The following TNIK variants were observed in gnomAD, a reference collection of about 807,000 sequenced individuals.
The protein encoded by TNIK is TRAF2 and NCK-interacting protein kinase.
Under a neutral mutation model 191.3 loss-of-function variants are expected in TNIK, and 49 were observed. The ratio of observed to expected loss-of-function variants is 0.26; its 90% CI spans 0.20 to 0.32. TNIK has a LOEUF of 0.32. Ranked by LOEUF, TNIK falls within the 10% of genes least tolerant of loss-of-function variation. TNIK has a pLI of 1.00. For synonymous variants in TNIK, 594 were observed against 600.9 expected, an observed-to-expected ratio of 0.99 and a Z score of 0.17; for missense variants, 1,155 against 1,702.3, an observed-to-expected ratio of 0.68 and a Z score of 5.66.
intron 1 of TNIK, among the ~76,000 whole-genome samples, chr3:171,389,855 T>C (rs1404364838): frequency 6.6e-6 from 1 of 152,188 alleles, no homozygotes; most frequent in Non-Finnish European, 1.5e-5. Context: ...TTATTGAAAC[T>C]TTACAACAAA....
chr3:171,188,559 G>A (rs1320128470), intron 7 of TNIK, 143 bp downstream of exon 7: 1 of 950,224 alleles, frequency 1.1e-6, no homozygotes, highest in Non-Finnish European at 1.5e-6. Flanking sequence ...TCACTTGAAT[G>A]TCTTACAGGT....
At chr3:171,091,349 C>T (rs1722027838) in intron 23 of TNIK, among the ~76,000 whole-genome samples, 1 of 152,172 alleles carries the variant, frequency 6.6e-6, no homozygotes, top group Admixed American at 6.5e-5. Context: ...CAGCTTCCAA[C>T]TAGGATTTAT....
chr3:171,181,394 T>C (rs1198717318), intron 7 of TNIK, among the ~76,000 whole-genome samples: 1 of 152,218 alleles, frequency 6.6e-6, no homozygotes, highest in Non-Finnish European at 1.5e-5. Flanking sequence ...ATGATTTCCC[T>C]TCATTTAGTT....
intron 3 of TNIK, among the ~76,000 whole-genome samples, chr3:171,225,239 C>A (rs902291743): frequency 2.6e-5 from 4 of 152,134 alleles, no homozygotes; most frequent in Non-Finnish European, 5.9e-5. Context: ...AAAGGCACCA[C>A]GTGAGTTTCA....
chr3:171,194,675 T>A (rs1047918309), intron 4 of TNIK, 40 bp from the exon 5 acceptor site: 10 of 1,577,494 alleles, frequency 6.3e-6, no homozygotes, highest in Non-Finnish European at 8.7e-6. Context: ...TTAATGATGC[T>A]TCACTGCTTC....
At chr3:171,459,694 A>ACACACACACACG (rs1729216271) in intron 1 of TNIK, among the ~76,000 whole-genome samples, 2 of 151,788 alleles carry the variant, frequency 1.3e-5, no homozygotes, top group Non-Finnish European at 2.9e-5. Flanking sequence ...ACACACACAC[A>ACACACACACACG]CACACACACG....
At chr3:171,208,160 AAAAT>A (rs1740330248) in intron 4 of TNIK, among the ~76,000 whole-genome samples, 1 of 152,172 alleles carries the variant, frequency 6.6e-6, no homozygotes, top group African/African-American at 2.4e-5. Flanking sequence ...GTGAGACAAA[AAAAT>A]AAATAAATTA....
At chr3:171,303,667 A>G (rs1577407456) in intron 2 of TNIK, among the ~76,000 whole-genome samples, 2 of 152,194 alleles carry the variant, frequency 1.3e-5, no homozygotes, top group Non-Finnish European at 2.9e-5. Flanking sequence ...TGAGCATCCC[A>G]AGGCTCAACT....
chr3:171,079,741 A>G, intron 27 of TNIK, 89 bp from the exon 28 acceptor site: 1 of 1,424,642 alleles, frequency 7.0e-7, no homozygotes, highest in Admixed American at 2.5e-5. Flanking sequence ...AATTTATTTT[A>G]TTTACGTGTG....
At chr3:171,218,940 A>T (rs2108946431) in intron 3 of TNIK, among the ~76,000 whole-genome samples, 1 of 131,946 alleles carries the variant, frequency 7.6e-6, no homozygotes, top group African/African-American at 2.8e-5. Context: ...TTTTATATAT[A>T]TTTAATATAT....
At chr3:171,101,400 T>G in intron 22 of TNIK, 49 bp downstream of exon 22, 1 of 1,532,710 alleles carries the variant, frequency 6.5e-7, no homozygotes, top group Non-Finnish European at 8.7e-7. Flanking sequence ...CCTTTTATTT[T>G]GGAAACCTAG....
intron 8 of TNIK, among the ~76,000 whole-genome samples, chr3:171,177,066 G>T (rs1429711812): frequency 6.6e-6 from 1 of 151,562 alleles, no homozygotes; most frequent in African/African-American, 2.4e-5. Flanking sequence ...TACAGAATCT[G>T]TAAAACAAAC....
intron 1 of TNIK, among the ~76,000 whole-genome samples, chr3:171,453,472 TG>T (rs371560370): frequency 4.5e-4 from 69 of 151,738 alleles, no homozygotes; most frequent in African/African-American, 1.6e-3. Context: ...AATGGGGGAG[TG>T]GTCGTCAAAA....
intron 2 of TNIK, among the ~76,000 whole-genome samples, chr3:171,323,353 TTACG>T (rs1755380141): frequency 6.6e-6 from 1 of 152,182 alleles, no homozygotes; most frequent in South Asian, 2.1e-4. Flanking sequence ...CATAGGTAAC[TTACG>T]TATGCCCCTC....
chr3:171,429,541 T>A (rs1457450355), intron 1 of TNIK, among the ~76,000 whole-genome samples: 1 of 152,238 alleles, frequency 6.6e-6, no homozygotes, highest in East Asian at 1.9e-4. Context: ...CCACCTCCAG[T>A]TCCTTGCCTA....
At chr3:171,065,564 G>A (rs1718329479) in intron 32 of TNIK, among the ~76,000 whole-genome samples, 1 of 152,210 alleles carries the variant, frequency 6.6e-6, no homozygotes, top group Non-Finnish European at 1.5e-5. Context: ...GGGTAAGGGA[G>A]AAGCAGTACT....
Position 171,062,333 on chromosome 3 carries a change from GCT to G in TNIK, c.*1546_*1547del. The G allele has an allele frequency of 6.6e-6, 1 of 152,250 alleles. No homozygotes were observed. Among genetic ancestry groups the G allele is most frequent in the Non-Finnish European group, 1.5e-5 (1 of 68,030 alleles). The allele number at this position is 152,250 out of a possible 1,614,324, so 9.4% of individuals were successfully genotyped here. ...AAATGCACCTGAGATTGCCGGTTGA[GCT>G]CTCTATATGTCTCCTGGAGATAACA... On this transcript the variant is annotated 3_prime_UTR_variant, in exon 33 of 33. Transcript: ENST00000436636.
At chr3:171,236,005 T>A (rs1458283253) in intron 2 of TNIK, among the ~76,000 whole-genome samples, 2 of 152,108 alleles carry the variant, frequency 1.3e-5, no homozygotes, top group African/African-American at 4.8e-5. Flanking sequence ...GTGCCCTAAG[T>A]CCCTAATGCC....
intron 2 of TNIK, among the ~76,000 whole-genome samples, chr3:171,266,904 C>G (rs557561354): frequency 6.6e-6 from 1 of 152,330 alleles, no homozygotes; most frequent in Non-Finnish European, 1.5e-5. Context: ...AGAGTCTGTT[C>G]AGAACAGCCT....
Sources: gnomAD v4.1 joint callset for allele counts (sites outside exome capture counted in the v4.1 genomes callset) on GRCh38, gnomAD v4.1.1 for gene constraint, MANE v1.5 for transcripts, NCBI Gene and HGNC (gene_info 2026-07-23, HGNC 2026-07-21) for gene names.